DCAF8: variants seen among roughly 807,000 people sequenced by gnomAD.
DCAF8 encodes the protein DDB1- and CUL4-associated factor 8.
DCAF8 carries 20 observed loss-of-function variants against 68.0 expected under a neutral mutation model. The observed-to-expected ratio is 0.29, with a 90% CI of 0.21 to 0.43. The LOEUF is 0.43. DCAF8 is among the 20% of genes least tolerant of loss of function. The pLI is 1.00. For synonymous variants in DCAF8, 230 were observed against 276.9 expected, an observed-to-expected ratio of 0.83 and a Z score of 1.68; for missense variants, 460 against 771.0, an observed-to-expected ratio of 0.60 and a Z score of 4.78.
chr1:160,232,533 T>G (rs1413202726), intron 6 of DCAF8, among the ~76,000 whole-genome samples: 1 of 151,420 alleles, frequency 6.6e-6, no homozygotes, highest in Non-Finnish European at 1.5e-5. Flanking sequence ...CCCAGCTACT[T>G]GGGAGGCTGA....
chr1:160,239,817 A>G lies in DCAF8; in HGVS notation c.603T>C (p.Phe201=). ...GHTGCVNTLH[F]NQRGTWLASG... Reference sequence around the variant, plus strand: ...TGGCCAGCCAGGTGCCGCGCTGGTTAAAGTGCAGGGTATTGACACAACCAG... The same window carrying G: ...TGGCCAGCCAGGTGCCGCGCTGGTTGAAGTGCAGGGTATTGACACAACCAG... The change falls in exon 4 of 14, where the codon TTT becomes TTC. Residue 201 remains phenylalanine (F), a synonymous_variant. Coordinates refer to ENST00000368074, the MANE Select transcript of DCAF8 (RefSeq NM_015726.4). 1 of 1,614,262 alleles carries G rather than the reference A, an allele frequency of 6.2e-7. No homozygotes were observed.
At chr1:160,243,664 T>A (rs1571102213) in intron 3 of DCAF8, among the ~76,000 whole-genome samples, 2 of 152,186 alleles carry the variant, frequency 1.3e-5, no homozygotes, top group East Asian at 3.8e-4. Flanking sequence ...TTTTTCTCCT[T>A]TACTAACAGC....
chr1:160,262,435 C>CGCCGCCATCTTACACTGGCCAGCG lies in DCAF8; in HGVS notation c.-111_-101+13dup. On this transcript the variant is annotated intron_variant, in intron 1 of 13. Transcript: ENST00000368074. ...CCCCGTCCACTGCCACCACCAACGC[C>CGCCGCCATCTTACACTGGCCAGCG]GCCGCCATCTTACACTGGCCAGCGG... The CGCCGCCATCTTACACTGGCCAGCG allele has an allele frequency of 2.5e-6, 1 of 401,080 alleles. No homozygotes were observed. 24.8% of individuals were successfully genotyped at this position (401,080 alleles called of 1,614,324 possible).
intron 2 of DCAF8, among the ~76,000 whole-genome samples, chr1:160,247,787 C>T (rs1459577614): frequency 6.6e-6 from 1 of 152,060 alleles, no homozygotes; most frequent in East Asian, 1.9e-4. Flanking sequence ...ACTGAACATT[C>T]AACTGCCAAA....
intron 6 of DCAF8, among the ~76,000 whole-genome samples, chr1:160,232,111 G>A (rs1407654802): frequency 6.6e-6 from 1 of 152,142 alleles, no homozygotes; most frequent in Non-Finnish European, 1.5e-5. Context: ...TAAGGAGGCT[G>A]AGGGAAGAGA....
intron 2 of DCAF8, among the ~76,000 whole-genome samples, chr1:160,260,676 G>T (rs1657050690): frequency 6.6e-6 from 1 of 151,300 alleles, no homozygotes; most frequent in Admixed American, 6.6e-5. Flanking sequence ...TGCTAACCAA[G>T]AATTCTTCAG....
intron 2 of DCAF8, among the ~76,000 whole-genome samples, chr1:160,244,622 CTT>C (rs879565106): frequency 4.8e-5 from 7 of 144,694 alleles, no homozygotes; most frequent in Admixed American, 6.9e-5. Context: ...ATTATTCTTT[CTT>C]TTTTTTTTTT....
At chr1:160,243,773 G>A (rs1049969293) in intron 3 of DCAF8, among the ~76,000 whole-genome samples, 187 bp downstream of exon 3, 3 of 152,186 alleles carry the variant, frequency 2.0e-5, no homozygotes, top group Non-Finnish European at 2.9e-5. Context: ...AAAATGATCA[G>A]ATAAAATCAG....
chr1:160,229,568 G>C (rs1284816254), intron 7 of DCAF8, among the ~76,000 whole-genome samples: 7 of 152,172 alleles, frequency 4.6e-5, no homozygotes, highest in Non-Finnish European at 7.3e-5. Flanking sequence ...CTTGGTCCTA[G>C]TGGTGGAATT....
intron 2 of DCAF8, 89 bp from the exon 3 acceptor site, chr1:160,244,123 G>A: frequency 1.0e-6 from 1 of 964,242 alleles, no homozygotes; most frequent in Non-Finnish European, 1.6e-6. Flanking sequence ...CAATGTACAG[G>A]TTTTATCATT....
intron 3 of DCAF8, 139 bp downstream of exon 3, chr1:160,243,821 G>A (rs537204019): frequency 2.6e-5 from 20 of 764,726 alleles, no homozygotes; most frequent in Non-Finnish European, 4.0e-5. Context: ...GGTGTTTCCT[G>A]TGTAGTTTCC....
chr1:160,230,321 C>T (rs1655631635), intron 7 of DCAF8, among the ~76,000 whole-genome samples: 1 of 152,170 alleles, frequency 6.6e-6, no homozygotes, highest in South Asian at 2.1e-4. Flanking sequence ...TCTTGCCCCT[C>T]TCTCTCCTTT....
In DCAF8 at chr1:160,218,435, A is replaced by T. The variant is rs759600036; in HGVS notation, c.1566T>A (p.Ile522=). Residue 522 remains isoleucine, a synonymous_variant, in exon 13 of 14, where the codon ATT becomes ATA. Transcript: ENST00000368074. ...CATCCCGCTCCCGCTTGTTCTTCTTAATCACCTGGAACCCAAAAAGGTTGG... is the reference window on the plus strand; with the variant it reads ...CATCCCGCTCCCGCTTGTTCTTCTTTATCACCTGGAACCCAAAAAGGTTGG... The part of the protein sequence containing the change: ...STELTGLKDV[I]KKNKRERDED... The T allele has an allele frequency of 6.2e-7, 1 of 1,613,814 alleles. No individual in the cohort carries two copies. The highest frequency in any genetic ancestry group is 1.1e-5 in the South Asian group (1 of 91,074).
rs372511473 is a variant in DCAF8, at chr1:160,224,556, A to G, written c.1202-7T>C. 2 of 1,607,830 alleles carry G rather than the reference A, an allele frequency of 1.2e-6. No homozygotes were observed. The highest frequency in any genetic ancestry group is 1.7e-6 in the Non-Finnish European group (2 of 1,174,410). ...TTGTAACTGGCCAGGAGCTCTGCCAAGAACAAGAACATAGCAGTGAAGGCA... is the reference window on the plus strand; with the variant it reads ...TTGTAACTGGCCAGGAGCTCTGCCAGGAACAAGAACATAGCAGTGAAGGCA... On this transcript the variant is annotated splice_region_variant and splice_polypyrimidine_tract_variant and intron_variant, in intron 9 of 13. Coordinates refer to ENST00000368074, the MANE Select transcript of DCAF8 (RefSeq NM_015726.4).
chr1:160,235,065 C>T (rs1192413034), intron 6 of DCAF8, among the ~76,000 whole-genome samples: 2 of 152,104 alleles, frequency 1.3e-5, no homozygotes, highest in African/African-American at 2.4e-5. Context: ...TTATATTTTA[C>T]TTATGTCCTA....
chr1:160,242,376 G>A (rs1219475042), intron 3 of DCAF8, among the ~76,000 whole-genome samples: 3 of 152,082 alleles, frequency 2.0e-5, no homozygotes, highest in Non-Finnish European at 4.4e-5. Flanking sequence ...TATATGCTAC[G>A]AAAGTTTAGC....
chr1:160,237,732 G>A (rs1198291221), intron 5 of DCAF8, among the ~76,000 whole-genome samples: 1 of 151,212 alleles, frequency 6.6e-6, no homozygotes, highest in African/African-American at 2.5e-5. Context: ...CACAGATGGG[G>A]TCTTGCTATA....
chr1:160,231,378 T>C lies in DCAF8; in HGVS notation c.989A>G (p.Lys330Arg). ...SKLVVTKEKE[K>R]KVGLYTIYVN... ...ATAGATCGTATACAGCCCCACTTTC[T>C]TCTCTTTCTCTTTTGTCACCACCAG... Residue 330 changes from lysine (K) to arginine (R), a missense_variant, in exon 7 of 14, where the codon AAG (lysine) becomes AGG (arginine). By Grantham distance (26) the Lys-to-Arg change is conservative. Coordinates refer to ENST00000368074, the MANE Select transcript of DCAF8 (RefSeq NM_015726.4). The C allele has an allele frequency of 1.9e-6, 3 of 1,614,128 alleles. No homozygotes were observed. In the South Asian group the frequency reaches 3.3e-5, roughly 18 times the overall value.
intron 4 of DCAF8, 86 bp from the exon 5 acceptor site, chr1:160,238,833 C>T (rs2101740182): frequency 7.6e-7 from 1 of 1,318,776 alleles, no homozygotes; most frequent in African/African-American, 1.5e-5. Flanking sequence ...ATGACCTCAA[C>T]TTACCCCCTT....
Sources: gnomAD v4.1 joint callset for allele counts (sites outside exome capture counted in the v4.1 genomes callset) on GRCh38, gnomAD v4.1.1 for gene constraint, MANE v1.5 for transcripts, NCBI Gene and HGNC (gene_info 2026-07-23, HGNC 2026-07-21) for gene names.